SEMA3A: variants seen among roughly 807,000 people sequenced by gnomAD.
The protein encoded by SEMA3A is semaphorin-3A.
Under a neutral mutation model 97.9 loss-of-function variants are expected in SEMA3A, and 29 were observed. The observed-to-expected ratio is 0.30, with a 90% CI of 0.22 to 0.40. The LOEUF (loss-of-function observed/expected upper bound fraction) is 0.40. Ranked by LOEUF, SEMA3A falls within the 10% of genes least tolerant of loss-of-function variation. SEMA3A has a pLI of 1.00. For missense variants in SEMA3A, 763 were observed against 951.3 expected (o/e 0.80, Z 2.60); for synonymous variants, 321 against 323.7 (o/e 0.99, Z 0.09).
At chr7:84,317,030 T>C (rs1379361764) in intron 2 of SEMA3A, among the ~76,000 whole-genome samples, 2 of 152,262 alleles carry the variant, frequency 1.3e-5, no homozygotes, top group African/African-American at 4.8e-5. Context: ...ATCATCATAA[T>C]AGGGCACTTC....
intron 1 of SEMA3A, among the ~76,000 whole-genome samples, chr7:84,384,621 G>A (rs1328065080): frequency 6.6e-6 from 1 of 152,168 alleles, no homozygotes; most frequent in Admixed American, 6.5e-5. Context: ...GCAGTACACA[G>A]TGATTCAGGC....
At chr7:84,431,030 A>G (rs1032370376) in intron 1 of SEMA3A, among the ~76,000 whole-genome samples, 1 of 151,970 alleles carries the variant, frequency 6.6e-6, no homozygotes, top group African/African-American at 2.4e-5. Flanking sequence ...GAAGTTTATG[A>G]AGCGTAAAGC....
intron 1 of SEMA3A, among the ~76,000 whole-genome samples, chr7:84,396,296 T>A (rs1453734239): frequency 6.6e-6 from 1 of 150,478 alleles, no homozygotes; most frequent in Non-Finnish European, 1.5e-5. Context: ...AGCAACAGGG[T>A]CAATACAAAT....
intron 1 of SEMA3A, chr7:84,489,265 C>T (rs1806659303): frequency 6.6e-6 from 1 of 152,068 alleles, no homozygotes; most frequent in Non-Finnish European, 1.5e-5. Flanking sequence ...ATGGGGGAAA[C>T]CGCCCCCATG....
At chr7:84,116,402 C>G (rs760651684) in intron 3 of SEMA3A, among the ~76,000 whole-genome samples, 1 of 151,888 alleles carries the variant, frequency 6.6e-6, no homozygotes, top group Non-Finnish European at 1.5e-5. Flanking sequence ...GTAGAACATT[C>G]GGAAAGAAAG....
chr7:84,083,412 A>G (rs1455660303), intron 4 of SEMA3A, among the ~76,000 whole-genome samples: 2 of 148,034 alleles, frequency 1.4e-5, no homozygotes, highest in East Asian at 2.0e-4. Flanking sequence ...TGGGATATCT[A>G]TCACCTTAGG....
chr7:84,036,838 T>C (rs4732534), intron 6 of SEMA3A, among the ~76,000 whole-genome samples: 59,284 of 151,780 alleles, frequency 0.39, 12,868 homozygotes, highest in Non-Finnish European at 0.5. Flanking sequence ...AATTAATATA[T>C]GTTCCAGTAA....
In SEMA3A at chr7:84,270,199, G is replaced by A. The variant is rs148916245; in HGVS notation, c.-83+37008C>T. ...ACATTTTGCTTTATTTCTCAGCCTGGGTGGGCCTAATTTTGGGAATAAGGT... is the reference window on the plus strand; with the variant it reads ...ACATTTTGCTTTATTTCTCAGCCTGAGTGGGCCTAATTTTGGGAATAAGGT... On this transcript the variant is annotated intron_variant, in intron 3 of 3. Coordinates refer to the SEMA3A transcript ENST00000424555. 3.8e-3 allele frequency among the ~76,000 whole-genome samples: 574 copies of A among 152,094 alleles called. 4 individuals carry two copies. Among genetic ancestry groups the A allele is most frequent in the African/African-American group, 0.013 (534 of 41,520 alleles).
At chr7:84,348,001 A>G (rs1802343032) in intron 2 of SEMA3A, among the ~76,000 whole-genome samples, 1 of 152,154 alleles carries the variant, frequency 6.6e-6, no homozygotes, top group Non-Finnish European at 1.5e-5. Flanking sequence ...GTATGTTTAA[A>G]ACATTAATGA....
chr7:84,156,501 G>C (rs1796848979), intron 1 of SEMA3A, among the ~76,000 whole-genome samples: 1 of 152,010 alleles, frequency 6.6e-6, no homozygotes, highest in Non-Finnish European at 1.5e-5. Context: ...TTTCATAATT[G>C]AGTAGGCCCC....
intron 2 of SEMA3A, among the ~76,000 whole-genome samples, chr7:84,134,309 C>T (rs746537373): frequency 6.6e-6 from 1 of 152,136 alleles, no homozygotes; most frequent in Non-Finnish European, 1.5e-5. Context: ...AGCACAAAAA[C>T]AGACATAGGC....
intron 3 of SEMA3A, among the ~76,000 whole-genome samples, chr7:84,122,502 A>T (rs1462913323): frequency 6.6e-6 from 1 of 152,162 alleles, no homozygotes; most frequent in Admixed American, 6.5e-5. Flanking sequence ...GACCCATGAA[A>T]AACTATATTC....
At chr7:84,206,945 C>T (rs1313683159) in intron 3 of SEMA3A, among the ~76,000 whole-genome samples, 6 of 152,042 alleles carry the variant, frequency 3.9e-5, no homozygotes, top group Admixed American at 3.9e-4. Context: ...TTTGATTACC[C>T]ACCTTTAAAT....
chr7:84,087,817 A>G (rs1041341745), intron 4 of SEMA3A, among the ~76,000 whole-genome samples: 1 of 152,188 alleles, frequency 6.6e-6, no homozygotes, highest in African/African-American at 2.4e-5. Context: ...CCTATTGCAC[A>G]GCATTTTATT....
upstream of SEMA3A, chr7:84,195,379 T>C (rs1053389237): frequency 1.3e-5 from 2 of 152,132 alleles, no homozygotes; most frequent in African/African-American, 4.8e-5. Context: ...TTACAATTCA[T>C]GCTCATTATA....
At chr7:83,996,287 A>G (rs1368520238) in intron 12 of SEMA3A, among the ~76,000 whole-genome samples, 2 of 147,706 alleles carry the variant, frequency 1.4e-5, no homozygotes, top group African/African-American at 5.0e-5. Flanking sequence ...AACAGCTACC[A>G]TTTACTAGTA....
chr7:84,425,890 T>C (rs1217982790), intron 1 of SEMA3A, among the ~76,000 whole-genome samples: 1 of 148,108 alleles, frequency 6.8e-6, no homozygotes, highest in East Asian at 2.0e-4. Flanking sequence ...ACACACACAC[T>C]ACTCAGTCTT....
At chr7:84,333,435 C>A (rs570166613) in intron 2 of SEMA3A, among the ~76,000 whole-genome samples, 1 of 152,188 alleles carries the variant, frequency 6.6e-6, no homozygotes, top group East Asian at 1.9e-4. Flanking sequence ...TACCATAATG[C>A]TTAGCACACA....
At chr7:84,007,328 T>C (rs1790707412) in intron 10 of SEMA3A, 25 bp downstream of exon 10, 2 of 1,561,140 alleles carry the variant, frequency 1.3e-6, no homozygotes, top group Non-Finnish European at 1.7e-6. Context: ...ATTCATTTCA[T>C]ATTTTAAACA....
Sources: gnomAD v4.1 joint callset for allele counts (sites outside exome capture counted in the v4.1 genomes callset) on GRCh38, gnomAD v4.1.1 for gene constraint, MANE v1.5 for transcripts, NCBI Gene and HGNC (gene_info 2026-07-23, HGNC 2026-07-21) for gene names.